ZBBX: variants seen among roughly 807,000 people sequenced by gnomAD.
ZBBX encodes the protein zinc finger B-box domain containing, also known as zinc finger B-box domain-containing protein 1.
In ZBBX, 101 loss-of-function variants were observed where a neutral mutation model predicts 108.5. That is an observed-to-expected ratio of 0.93 (90% confidence interval 0.79 to 1.10). The LOEUF (loss-of-function observed/expected upper bound fraction) is 1.10. ZBBX is among the 50% of genes least tolerant of loss of function. ZBBX has a pLI of 0.00. For synonymous variants in ZBBX, 356 were observed against 323.4 expected, an observed-to-expected ratio of 1.10 and a Z score of -1.08; for missense variants, 1,009 against 941.4, an observed-to-expected ratio of 1.07 and a Z score of -0.94.
At position 167,282,486 on chromosome 3, in the gene ZBBX, G is replaced by A; in HGVS notation, c.2006C>T (p.Ser669Leu). Residue 669 changes from serine (S) to leucine (L), a missense_variant, in exon 20 of 22, where the codon TCA becomes TTA. Transcript: ENST00000675490. Reference protein sequence around the residue: ...SRKQQKMGQKSQRPSTANFPL... With the variant: ...SRKQQKMGQKLQRPSTANFPL... Reference sequence around the variant, plus strand: ...AAAATTTGCTGTTGAAGGTCTCTGTGATTTCTGACCTAAAATTAAAAGTAA... The same window carrying A: ...AAAATTTGCTGTTGAAGGTCTCTGTAATTTCTGACCTAAAATTAAAAGTAA... The A allele has an allele frequency of 6.2e-7, 1 of 1,603,348 alleles. No individual in the cohort carries two copies. Among genetic ancestry groups the A allele is most frequent in the Non-Finnish European group, 8.5e-7 (1 of 1,176,454 alleles).
chr3:167,275,660 G>C (rs1727421820), intron 20 of ZBBX, among the ~76,000 whole-genome samples: 1 of 152,196 alleles, frequency 6.6e-6, no homozygotes, highest in South Asian at 2.1e-4. Flanking sequence ...TGCTAGCACA[G>C]CAGTCTGAGA....
chr3:167,336,312 TA>T (rs749005135), intron 9 of ZBBX, among the ~76,000 whole-genome samples: 3 of 152,120 alleles, frequency 2.0e-5, no homozygotes, highest in Non-Finnish European at 2.9e-5. Flanking sequence ...AGGTAACTGA[TA>T]AAATAGAATT....
In ZBBX at chr3:167,246,903, ATGATAAT is replaced by A. The variant is rs531442358; in HGVS notation, c.2255-4267_2255-4261del. ...AACTATAATCCTCAAAGCAATACAG[ATGATAAT>A]TAGTTCTAGAATGGAAACAGCTTTT... On this transcript the variant is annotated intron_variant, in intron 20 of 21. Transcript: ENST00000675490. 5.3e-5 allele frequency among the ~76,000 whole-genome samples: 8 copies of A among 152,330 alleles called. No individual in the cohort carries two copies. The South Asian group carries it at 1.7e-3, about 32-fold the overall frequency.
intron 14 of ZBBX, among the ~76,000 whole-genome samples, chr3:167,316,767 T>C (rs1735530232): frequency 1.3e-5 from 2 of 152,004 alleles, no homozygotes; most frequent in Admixed American, 1.3e-4. Context: ...TTACCTCCCA[T>C]AATATATTCA....
At chr3:167,211,083 G>T in the ZBBX span, among the ~76,000 whole-genome samples, 1 of 152,176 alleles carries the variant, frequency 6.6e-6, no homozygotes, top group Admixed American at 6.5e-5. Context: ...CCAGGTATAT[G>T]CATTGGAATT....
intron 20 of ZBBX, among the ~76,000 whole-genome samples, chr3:167,279,655 G>T (rs1390501583): frequency 6.6e-6 from 1 of 152,100 alleles, no homozygotes; most frequent in Admixed American, 6.5e-5. Flanking sequence ...TCAATATCAT[G>T]AAAATGGCCA....
At chr3:167,344,622 T>A (rs530687066) in intron 9 of ZBBX, among the ~76,000 whole-genome samples, 1 of 151,744 alleles carries the variant, frequency 6.6e-6, no homozygotes, top group African/African-American at 2.4e-5. Flanking sequence ...CAGGACAGCA[T>A]CAGCTGTTCC....
In ZBBX at chr3:167,313,954, A is replaced by T; in HGVS notation, c.1417+20T>A. The stretch of plus-strand genomic sequence containing the variant: ...TCAACATGCACTGTTAATAATATCC[A>T]GCAACAAGAAAAATGTTACCTTTTG... On this transcript the variant is annotated intron_variant, in intron 16 of 21. Transcript: ENST00000675490. 1 of 1,558,732 alleles carries T rather than the reference A, an allele frequency of 6.4e-7. No individual in the cohort carries two copies. The highest frequency in any genetic ancestry group is 8.7e-7 in the Non-Finnish European group (1 of 1,153,914).
chr3:167,347,750 A>G (rs981272027), intron 9 of ZBBX, among the ~76,000 whole-genome samples: 8 of 151,950 alleles, frequency 5.3e-5, no homozygotes, highest in Non-Finnish European at 8.8e-5. Context: ...CAACCTCACA[A>G]TTCCACTTCC....
At position 167,252,130 on chromosome 3, in the gene ZBBX, T is replaced by C. The variant is rs189672199; in HGVS notation, c.2255-9487A>G. On this transcript the variant is annotated intron_variant, in intron 20 of 21. Coordinates refer to ENST00000675490, the MANE Select transcript of ZBBX (RefSeq NM_001199201.2). ...ATCAAAGGAGAAACTGTTTACCTAA[T>C]GTAGTTATTTTCTGTCTTATTCTCC... 38 of 1,286,944 alleles carry C rather than the reference T, an allele frequency of 3.0e-5. 2 individuals carry two copies. In the Admixed American group the frequency reaches 7.4e-4, roughly 25 times the overall value. The allele number at this position is 1,286,944 out of a possible 1,614,324, so 79.7% of individuals were successfully genotyped here. A position where few individuals can be genotyped will look rare whatever the true frequency, so the allele number is the denominator to read the frequency against.
chr3:167,219,162 A>G, the ZBBX span, among the ~76,000 whole-genome samples: 2 of 152,102 alleles, frequency 1.3e-5, no homozygotes, highest in African/African-American at 4.8e-5. Context: ...ACAGAGAAAT[A>G]GACCCCAATA....
chr3:167,321,580 C>T (rs191523386), intron 12 of ZBBX, among the ~76,000 whole-genome samples: 17 of 152,030 alleles, frequency 1.1e-4, no homozygotes, highest in Admixed American at 7.2e-4. Context: ...CACCTGGGAG[C>T]TATTAGAAAT....
chr3:167,185,637 A>C, the ZBBX span, among the ~76,000 whole-genome samples: 1 of 152,270 alleles, frequency 6.6e-6, no homozygotes, highest in African/African-American at 2.4e-5. Context: ...ATAGCACATA[A>C]AAACATTGAA....
chr3:167,309,186 C>A (rs1734169278), intron 16 of ZBBX, among the ~76,000 whole-genome samples: 1 of 152,218 alleles, frequency 6.6e-6, no homozygotes, highest in Non-Finnish European at 1.5e-5. Flanking sequence ...TGGGGTAAAT[C>A]TGTTCCAAAA....
intron 17 of ZBBX, among the ~76,000 whole-genome samples, chr3:167,301,726 G>A (rs1017196402): frequency 6.6e-6 from 1 of 152,096 alleles, no homozygotes; most frequent in Non-Finnish European, 1.5e-5. Flanking sequence ...GGGAGGCCAA[G>A]GCGGTTGGAT....
chr3:167,298,439 C>T lies in ZBBX; in HGVS notation c.1745G>A (p.Cys582Tyr), dbSNP rs1213264441. ...TTGTTTTGTTATAGGCTTACTTCTG[C>T]AGGCTATTTCTTGTAACAACTAAGA... ...KSSLLLQEIA[C>Y]RSKPITKQYQ... Residue 582 changes from cysteine to tyrosine, a missense_variant, in exon 18 of 22, where the codon TGC (cysteine) becomes TAC (tyrosine). Cys to Tyr is a radical substitution (Grantham distance 194). Transcript: ENST00000675490. The T allele has an allele frequency of 6.7e-7, 1 of 1,500,130 alleles. No homozygotes were observed. Among genetic ancestry groups the T allele is most frequent in the Non-Finnish European group, 9.0e-7 (1 of 1,116,196 alleles). 92.9% of individuals were successfully genotyped at this position (1,500,130 alleles called of 1,614,324 possible). A position where few individuals can be genotyped will look rare whatever the true frequency, so the allele number is the denominator to read the frequency against.
At chr3:167,390,158 G>A (rs1250410396) in intron 1 of ZBBX, among the ~76,000 whole-genome samples, 4 of 151,976 alleles carry the variant, frequency 2.6e-5, no homozygotes, top group African/African-American at 4.8e-5. Context: ...TAAGGAAAGG[G>A]TCCAGTTTCA....
intron 8 of ZBBX, among the ~76,000 whole-genome samples, chr3:167,351,457 A>C (rs1742635605): frequency 6.6e-6 from 1 of 152,140 alleles, no homozygotes; most frequent in African/African-American, 2.4e-5. Context: ...GATGGGAGAC[A>C]CCAAGGGTGA....
the ZBBX span, among the ~76,000 whole-genome samples, chr3:167,200,087 T>A: frequency 6.6e-6 from 1 of 152,106 alleles, no homozygotes; most frequent in Non-Finnish European, 1.5e-5. Flanking sequence ...TCTGTCTATG[T>A]CTCTTCTTCT....
Sources: gnomAD v4.1 joint callset for allele counts (sites outside exome capture counted in the v4.1 genomes callset) on GRCh38, gnomAD v4.1.1 for gene constraint, MANE v1.5 for transcripts, NCBI Gene and HGNC (gene_info 2026-07-23, HGNC 2026-07-21) for gene names.